Variants in MYO9A observed in about 807,000 individuals in gnomAD.
The protein encoded by MYO9A is myosin IXA, also known as unconventional myosin-IXa.
MYO9A carries 103 observed loss-of-function variants against 293.3 expected under a neutral mutation model. That is an observed-to-expected ratio of 0.35 (90% CI 0.30 to 0.41). The LOEUF (loss-of-function observed/expected upper bound fraction) is 0.41. Among genes scored for constraint, MYO9A ranks in the 10% least tolerant of loss-of-function variants. The pLI is 1.00. For missense variants in MYO9A, 2,685 were observed against 3,033.0 expected, an observed-to-expected ratio of 0.89 and a Z score of 2.69; for synonymous variants, 1,001 against 1,035.7, an observed-to-expected ratio of 0.97 and a Z score of 0.64.
At chr15:71,905,587 A>C (rs1178752638) in intron 19 of MYO9A, among the ~76,000 whole-genome samples, 1 of 151,924 alleles carries the variant, frequency 6.6e-6, no homozygotes, top group East Asian at 1.9e-4. Context: ...GAAGTTTGAG[A>C]CCAGCCTGGC....
rs1425446515 is a variant in MYO9A at position 72,102,498 on chromosome 15, TTAA to T, written c.-72+15179_-72+15181del. ...AATTATCAATAAAAAATAAATAAAT[TTAA>T]AAAAAAAAAAAAAAAGAAATAACAG... is the stretch of plus-strand genomic sequence containing the variant. On this transcript the variant is annotated intron_variant, in intron 1 of 41. Coordinates refer to ENST00000356056, the MANE Select transcript of MYO9A (RefSeq NM_006901.4). Among the ~76,000 whole-genome samples, 672 of 141,900 alleles carry T rather than the reference TTAA, an allele frequency of 4.7e-3. 3 individuals carry two copies. The highest frequency in any genetic ancestry group is 0.015 in the African/African-American group (573 of 38,586). The allele number at this position is 141,900 out of a possible 152,430, so 93.1% of individuals were successfully genotyped here. A position where few individuals can be genotyped will look rare whatever the true frequency, so the allele number is the denominator to read the frequency against.
At chr15:72,011,014 A>G (rs1315422684) in intron 6 of MYO9A, among the ~76,000 whole-genome samples, 1 of 146,066 alleles carries the variant, frequency 6.8e-6, no homozygotes, top group African/African-American at 2.5e-5. Context: ...TAGATATGTT[A>G]TTTTTTTTTT....
intron 39 of MYO9A, among the ~76,000 whole-genome samples, chr15:71,843,220 G>A (rs942726133): frequency 6.6e-6 from 1 of 151,958 alleles, no homozygotes; most frequent in Admixed American, 6.6e-5. Context: ...CTTGAGGTCA[G>A]GAGTTCGAGA....
intron 12 of MYO9A, among the ~76,000 whole-genome samples, chr15:71,968,953 T>C (rs546998119): frequency 6.6e-6 from 1 of 152,284 alleles, no homozygotes; most frequent in South Asian, 2.1e-4. Flanking sequence ...GTAAAAATCA[T>C]TCCAAAATTA....
Position 71,883,681 on chromosome 15 carries a change from T to C in MYO9A, c.5311A>G (p.Thr1771Ala). The C allele has an allele frequency of 6.2e-7, 1 of 1,613,534 alleles. No individual in the cohort carries two copies. ...WAKGKQGEKK[T>A]TRVKPTTQSE... ...TGGGTAGTAGGTTTCACTCTGGTAG[T>C]CTTCTTCTCCCCTTGTTTCCCTTTG... is the stretch of plus-strand genomic sequence containing the variant. Residue 1771 changes from threonine to alanine, a missense_variant, in exon 28 of 42, where the codon ACT becomes GCT. Physicochemically the swap from Thr to Ala is moderately conservative, Grantham distance 58. Transcript: ENST00000356056.
chr15:72,100,154 G>A (rs906173672), intron 1 of MYO9A, among the ~76,000 whole-genome samples: 3 of 151,758 alleles, frequency 2.0e-5, no homozygotes, highest in East Asian at 1.9e-4. Flanking sequence ...GTGCCGAGGC[G>A]GGCGGATCAC....
At chr15:72,002,724 A>G (rs941319834) in intron 8 of MYO9A, among the ~76,000 whole-genome samples, 2 of 152,192 alleles carry the variant, frequency 1.3e-5, no homozygotes, top group Non-Finnish European at 2.9e-5. Flanking sequence ...AGTAGGAATG[A>G]TGAACACCAA....
At chr15:71,977,164 C>T (rs2076163934) in intron 12 of MYO9A, among the ~76,000 whole-genome samples, 1 of 152,194 alleles carries the variant, frequency 6.6e-6, no homozygotes, top group Non-Finnish European at 1.5e-5. Context: ...TAGTAAATAA[C>T]TGGCAGATGT....
At chr15:72,080,307 CT>C (rs374292426) in intron 1 of MYO9A, among the ~76,000 whole-genome samples, 2,549 of 127,340 alleles carry the variant, frequency 0.02, 35 homozygotes, top group East Asian at 0.031. Context: ...CCATGCTTCT[CT>C]TTTTTTTTTT....
At chr15:72,014,788 A>G (rs1420614745) in intron 6 of MYO9A, among the ~76,000 whole-genome samples, 2 of 152,036 alleles carry the variant, frequency 1.3e-5, no homozygotes. Context: ...AAGAAAAGAA[A>G]GAAGGAAGGA....
intron 1 of MYO9A, among the ~76,000 whole-genome samples, chr15:72,065,685 G>A (rs1399516801): frequency 1.3e-5 from 2 of 151,702 alleles, no homozygotes; most frequent in Non-Finnish European, 2.9e-5. Context: ...AAAAGGCACA[G>A]AAGATACCTG....
intron 32 of MYO9A, among the ~76,000 whole-genome samples, chr15:71,868,272 T>A (rs1215083534): frequency 6.6e-6 from 1 of 152,124 alleles, no homozygotes; most frequent in African/African-American, 2.4e-5. Flanking sequence ...GCCGGTCACA[T>A]TCCCTTGCTC....
In MYO9A at chr15:71,932,822, AAT is replaced by A. The variant is rs2058515888; in HGVS notation, c.2562+846_2562+847del. On this transcript the variant is annotated intron_variant, in intron 18 of 41. Transcript: ENST00000356056. ...ATTCATTCACGTTGTTACACGCATC[AAT>A]AGTTTATTCATTTTTATTGGTGAGT... is the stretch of plus-strand genomic sequence containing the variant. 4.6e-5 allele frequency among the ~76,000 whole-genome samples: 7 copies of A among 152,202 alleles called. No individual in the cohort carries two copies. The South Asian group carries it at 1.2e-3, about 27-fold the overall frequency.
intron 18 of MYO9A, among the ~76,000 whole-genome samples, chr15:71,932,006 T>C (rs900560263): frequency 3.3e-5 from 5 of 152,182 alleles, no homozygotes; most frequent in South Asian, 2.1e-4. Flanking sequence ...TCTCAAACCT[T>C]TGTGTTTGTC....
At chr15:72,043,163 T>C (rs2078277232) in intron 2 of MYO9A, among the ~76,000 whole-genome samples, 1 of 152,126 alleles carries the variant, frequency 6.6e-6, no homozygotes, top group Non-Finnish European at 1.5e-5. Context: ...CAACTGTATA[T>C]CTATATACTA....
Position 71,975,390 on chromosome 15 carries a change from C to CGTGTGTGTGTGTGTGTGTGTGTGTGTGT in MYO9A, c.1844+2753_1844+2780dup, listed in dbSNP as rs57800508. On this transcript the variant is annotated intron_variant, in intron 12 of 41. Coordinates refer to ENST00000356056, the MANE Select transcript of MYO9A (RefSeq NM_006901.4). ...CCTTTGGCCTATGACGTGATTTTAT[C>CGTGTGTGTGTGTGTGTGTGTGTGTGTGT]GTGTGTGTGTGTGTGTGTGTGTGTG... Among the ~76,000 whole-genome samples, 80 of 86,682 alleles carry CGTGTGTGTGTGTGTGTGTGTGTGTGTGT rather than the reference C, an allele frequency of 9.2e-4. 12 individuals are homozygous for CGTGTGTGTGTGTGTGTGTGTGTGTGTGT. The highest frequency in any genetic ancestry group is 2.6e-3 in the African/African-American group (49 of 19,064). 56.9% of individuals were successfully genotyped at this position (86,682 alleles called of 152,430 possible).
intron 17 of MYO9A, chr15:71,935,088 A>G (rs2145860741): frequency 6.1e-6 from 2 of 328,106 alleles, no homozygotes; most frequent in Non-Finnish European, 1.1e-5. Flanking sequence ...TATCATCTCC[A>G]TAACAAATAT....
At chr15:71,850,735 C>T (rs1295105473) in intron 37 of MYO9A, among the ~76,000 whole-genome samples, 1 of 126,616 alleles carries the variant, frequency 7.9e-6, no homozygotes, top group African/African-American at 3.0e-5. Flanking sequence ...CACTGCACTC[C>T]GGCCTGGGTG....
intron 19 of MYO9A, among the ~76,000 whole-genome samples, chr15:71,910,017 A>C (rs888967478): frequency 1.3e-5 from 2 of 151,042 alleles, no homozygotes; most frequent in African/African-American, 4.9e-5. Context: ...TAAAATAATA[A>C]GTGTAAATTA....
Sources: allele counts gnomAD v4.1 joint callset (sites outside exome capture counted in the v4.1 genomes callset), GRCh38; gene constraint gnomAD v4.1.1; transcripts MANE v1.5; gene names NCBI Gene and HGNC (gene_info 2026-07-23, HGNC 2026-07-21).